Variants in NDE1 observed in about 807,000 individuals in gnomAD.
NDE1 encodes nuclear distribution protein nudE homolog 1.
NDE1 carries 28 observed loss-of-function variants against 43.4 expected under a neutral mutation model. The ratio of observed to expected loss-of-function variants is 0.65; its 90% CI spans 0.48 to 0.89. The LOEUF is 0.89. Among genes scored for constraint, NDE1 ranks in the 40% least tolerant of loss-of-function variants. The probability of loss-of-function intolerance (pLI) is 0.00; values close to 1 mark genes in which losing one functional copy is unlikely to be tolerated. For missense variants in NDE1, 441 were observed against 434.1 expected (o/e 1.02, Z -0.14); for synonymous variants, 184 against 172.0 (o/e 1.07, Z -0.55).
intron 8 of NDE1, among the ~76,000 whole-genome samples, chr16:15,716,761 G>A (rs2040172435): frequency 6.6e-6 from 1 of 152,160 alleles, no homozygotes; most frequent in African/African-American, 2.4e-5. Context: ...TGATCCACCT[G>A]CCTCAGCCTC....
intron 8 of NDE1, chr16:15,717,200 G>T: frequency 6.2e-7 from 1 of 1,614,206 alleles, no homozygotes. Context: ...CGCCGCGATG[G>T]TGGACTTGAA....
At chr16:15,715,115 G>T in intron 8 of NDE1, 1 of 1,612,308 alleles carries the variant, frequency 6.2e-7, no homozygotes, top group Non-Finnish European at 8.5e-7. Context: ...GGTTAGGGGA[G>T]GCCGGCTGGG....
intron 8 of NDE1, among the ~76,000 whole-genome samples, chr16:15,704,649 GAGA>G (rs2039352118): frequency 6.6e-6 from 1 of 152,174 alleles, no homozygotes; most frequent in South Asian, 2.1e-4. Flanking sequence ...GGGCAGCCTT[GAGA>G]AGGACACAGA....
chr16:15,721,104 A>G (rs1308389686), intron 8 of NDE1: 1 of 1,592,424 alleles, frequency 6.3e-7, no homozygotes, highest in East Asian at 2.2e-5. Flanking sequence ...CATGAAGACG[A>G]TTGAGAAACC....
At chr16:15,722,544 G>A (rs948631624) in intron 8 of NDE1, among the ~76,000 whole-genome samples, 1 of 152,192 alleles carries the variant, frequency 6.6e-6, no homozygotes, top group African/African-American at 2.4e-5. Flanking sequence ...TACACTCTAT[G>A]TGACAGGAAA....
At chr16:15,679,678 A>C (rs1005879035) in intron 4 of NDE1, among the ~76,000 whole-genome samples, 3 of 152,040 alleles carry the variant, frequency 2.0e-5, no homozygotes, top group African/African-American at 2.4e-5. Context: ...TCTGGGTCAC[A>C]TTTTCTTTAT....
chr16:15,664,887 CTT>C (rs377725096), intron 2 of NDE1, 26 bp downstream of exon 2: 33,309 of 1,255,572 alleles, frequency 0.027, no homozygotes, highest in Non-Finnish European at 0.029. Context: ...CCTGCTTTTC[CTT>C]TTTTTTTTTT....
intron 3 of NDE1, among the ~76,000 whole-genome samples, chr16:15,671,151 C>G (rs2037572783): frequency 6.6e-6 from 1 of 152,126 alleles, no homozygotes; most frequent in African/African-American, 2.4e-5. Context: ...CCCCTACTTA[C>G]TTGCCTTTTA....
chr16:15,725,929 T>C lies in NDE1; in HGVS notation c.*1678T>C. The C allele has an allele frequency of 2.7e-6, 1 of 371,764 alleles. No individual in the cohort carries two copies. Among genetic ancestry groups the C allele is most frequent in the Non-Finnish European group, 4.8e-6 (1 of 209,750 alleles). The allele number at this position is 371,764 out of a possible 1,614,324, so 23.0% of individuals were successfully genotyped here. A position where few individuals can be genotyped will look rare whatever the true frequency, so the allele number is the denominator to read the frequency against. On this transcript the variant is annotated 3_prime_UTR_variant, in exon 9 of 9. Transcript: ENST00000396354. ...AGCCCTACATCATCTGGGTACAAGC[T>C]CCCCCTCCAACCCCACTCTGTACTA...
chr16:15,670,688 G>A (rs922446990), intron 3 of NDE1, among the ~76,000 whole-genome samples: 3 of 151,610 alleles, frequency 2.0e-5, no homozygotes, highest in Non-Finnish European at 4.4e-5. Context: ...AAAAAGAAAG[G>A]ACTGCATGGG....
chr16:15,690,047 C>G (rs924839967), intron 5 of NDE1, among the ~76,000 whole-genome samples: 2 of 151,508 alleles, frequency 1.3e-5, no homozygotes, highest in South Asian at 4.2e-4. Context: ...GGAAAGCATA[C>G]TTTATTTATT....
At chr16:15,720,341 C>G in intron 8 of NDE1, 1 of 1,606,690 alleles carries the variant, frequency 6.2e-7, no homozygotes, top group Non-Finnish European at 8.5e-7. Flanking sequence ...TGTGTGCTGC[C>G]CCACTTGCCC....
intron 8 of NDE1, chr16:15,703,651 C>G (rs2039302047): frequency 4.7e-6 from 2 of 421,746 alleles, no homozygotes; most frequent in South Asian, 4.7e-5. Flanking sequence ...TGCAATGATG[C>G]AATTATAGCT....
intron 8 of NDE1, chr16:15,701,615 T>C (rs8529): frequency 0.71 from 107,613 of 152,164 alleles, 38,545 homozygotes; most frequent in African/African-American, 0.84. Flanking sequence ...CAACGCACCA[T>C]GGTGTGTCCA....
chr16:15,670,425 AGGTG>A (rs2037530553), intron 3 of NDE1, among the ~76,000 whole-genome samples: 1 of 152,150 alleles, frequency 6.6e-6, no homozygotes, highest in Admixed American at 6.6e-5. Flanking sequence ...CAGGAGGCCG[AGGTG>A]GGCAGATCAC....
At chr16:15,690,189 C>T (rs1192301818) in intron 5 of NDE1, among the ~76,000 whole-genome samples, 1 of 151,736 alleles carries the variant, frequency 6.6e-6, no homozygotes, top group South Asian at 2.1e-4. Context: ...GGACTACAGG[C>T]GCTCACCACC....
chr16:15,711,570 A>C (rs1246136506), intron 8 of NDE1, among the ~76,000 whole-genome samples: 15 of 152,188 alleles, frequency 9.9e-5, no homozygotes, highest in Non-Finnish European at 2.2e-4. Context: ...TTAAAAGATC[A>C]AGTCATTGGT....
intron 8 of NDE1, among the ~76,000 whole-genome samples, chr16:15,704,772 C>T (rs2039359519): frequency 6.6e-6 from 1 of 152,224 alleles, no homozygotes; most frequent in South Asian, 2.1e-4. Context: ...GATCGTGGAA[C>T]ATACCGCACA....
chr16:15,719,541 G>A lies in NDE1; in HGVS notation c.948-4650G>A, dbSNP rs113652000. On this transcript the variant is annotated intron_variant, in intron 8 of 8. Transcript: ENST00000396354. The stretch of plus-strand genomic sequence containing the variant: ...ACTGGAGCTGCCAAGGGGTGCTACC[G>A]TGACACCCGCATCTGAGGCTCTCCT... 3.2e-3 allele frequency: 5,234 copies of A among 1,612,506 alleles called. 146 individuals carry two copies. In the African/African-American group the frequency reaches 0.061, roughly 19 times the overall value.
Sources: gnomAD v4.1 joint callset for allele counts (sites outside exome capture counted in the v4.1 genomes callset) on GRCh38, gnomAD v4.1.1 for gene constraint, MANE v1.5 for transcripts, NCBI Gene and HGNC (gene_info 2026-07-23, HGNC 2026-07-21) for gene names.